TRERF1: variants seen among roughly 807,000 people sequenced by gnomAD.
The protein encoded by TRERF1 is transcriptional regulating factor 1, also known as transcriptional-regulating factor 1.
In TRERF1, 27 loss-of-function variants were observed where a neutral mutation model predicts 122.9. That is an observed-to-expected ratio of 0.22 (90% confidence interval 0.16 to 0.30). TRERF1 has a LOEUF of 0.30. Among genes scored for constraint, TRERF1 ranks in the 10% least tolerant of loss-of-function variants. The pLI is 1.00. For missense variants in TRERF1, 1,248 were observed against 1,560.3 expected (o/e 0.80, Z 3.37); for synonymous variants, 636 against 641.7 (o/e 0.99, Z 0.13).
intron 2 of TRERF1, among the ~76,000 whole-genome samples, chr6:42,365,906 C>G (rs1335531352): frequency 2.6e-5 from 4 of 152,192 alleles, no homozygotes; most frequent in African/African-American, 4.8e-5. Flanking sequence ...GCTTTGGAGG[C>G]TCCTCAATAC....
At chr6:42,371,797 TG>T (rs1274287083) in intron 2 of TRERF1, among the ~76,000 whole-genome samples, 3 of 152,196 alleles carry the variant, frequency 2.0e-5, no homozygotes, top group Non-Finnish European at 4.4e-5. Flanking sequence ...TGCTTGTATA[TG>T]GCAAGCTCAT....
At position 42,265,800 on chromosome 6, in the gene TRERF1, A is replaced by C; in HGVS notation, c.1438-3T>G. 1 of 1,612,984 alleles carries C rather than the reference A, an allele frequency of 6.2e-7. No homozygotes were observed. Among genetic ancestry groups the C allele is most frequent in the South Asian group, 1.1e-5 (1 of 90,754 alleles). ...GCTCTCCCATCAGGTAGGTGCATCT[A>C]ATTTTGAGCCAAACAGGACACCGAA... On this transcript the variant is annotated splice_polypyrimidine_tract_variant and splice_region_variant and intron_variant, in intron 5 of 17. Coordinates refer to ENST00000372922, the Ensembl canonical transcript of TRERF1.
chr6:42,256,164 T>C (rs1776712412), intron 12 of TRERF1, among the ~76,000 whole-genome samples: 1 of 149,248 alleles, frequency 6.7e-6, no homozygotes, highest in Non-Finnish European at 1.5e-5. Flanking sequence ...AAGTCCAGGT[T>C]GAGCAGGTCA....
chr6:42,235,667 C>T (rs534960565), intron 16 of TRERF1, among the ~76,000 whole-genome samples: 68 of 152,186 alleles, frequency 4.5e-4, no homozygotes, highest in African/African-American at 1.4e-3. Context: ...CAAAGATAAA[C>T]TTTAGTTAAA....
intron 3 of TRERF1, among the ~76,000 whole-genome samples, chr6:42,320,938 C>T (rs1763334615): frequency 6.6e-6 from 1 of 152,080 alleles, no homozygotes; most frequent in African/African-American, 2.4e-5. Flanking sequence ...ATGATGCAAG[C>T]ACAGGAAGCC....
At chr6:42,390,554 C>G (rs977407933) in intron 2 of TRERF1, among the ~76,000 whole-genome samples, 5 of 152,166 alleles carry the variant, frequency 3.3e-5, no homozygotes, top group African/African-American at 4.8e-5. Flanking sequence ...TTTTTGAAGC[C>G]TATGCGTTCG....
intron 2 of TRERF1, among the ~76,000 whole-genome samples, chr6:42,447,192 G>A: frequency 6.6e-6 from 1 of 152,328 alleles, no homozygotes. Flanking sequence ...CTTCCATGAT[G>A]AAAGACCAAG....
rs146305936 is a variant in TRERF1 at position 42,365,056 on chromosome 6, G to A, written c.-453-1977C>T. ...AGGTGGGAACCTGAGTGGGCTCGCC[G>A]TGGAGTAATATTTTCAGTGAACACA... On this transcript the variant is annotated intron_variant, in intron 2 of 17. Coordinates refer to ENST00000372922, the Ensembl canonical transcript of TRERF1. Among the ~76,000 whole-genome samples, 49 of 152,266 alleles carry A rather than the reference G, an allele frequency of 3.2e-4. No individual in the cohort carries two copies. In the East Asian group the frequency reaches 8.3e-3, roughly 26 times the overall value.
intron 2 of TRERF1, among the ~76,000 whole-genome samples, chr6:42,403,389 C>T (rs527846335): frequency 2.0e-5 from 3 of 152,080 alleles, no homozygotes; most frequent in South Asian, 4.2e-4. Flanking sequence ...GAGAAAATAG[C>T]GACACACACA....
chr6:42,325,585 T>A (rs1464560470), intron 3 of TRERF1, among the ~76,000 whole-genome samples: 1 of 152,020 alleles, frequency 6.6e-6, no homozygotes, highest in African/African-American at 2.4e-5. Context: ...TAAAAAAGAA[T>A]GAAATTGGTT....
intron 2 of TRERF1, among the ~76,000 whole-genome samples, chr6:42,394,879 C>G (rs1056145684): frequency 6.6e-6 from 1 of 152,188 alleles, no homozygotes; most frequent in Non-Finnish European, 1.5e-5. Context: ...CAACCTCCCC[C>G]CAACACATTG....
At chr6:42,398,750 T>C (rs752836161) in intron 2 of TRERF1, among the ~76,000 whole-genome samples, 30 of 152,232 alleles carry the variant, frequency 2.0e-4, no homozygotes, top group Non-Finnish European at 3.1e-4. Context: ...TGGACGAATG[T>C]ATGGGGAAGG....
At chr6:42,442,103 A>G (rs1786628132) in intron 2 of TRERF1, among the ~76,000 whole-genome samples, 1 of 152,148 alleles carries the variant, frequency 6.6e-6, no homozygotes, top group Admixed American at 6.5e-5. Flanking sequence ...AACAAAGAAA[A>G]GCGAACTCAA....
chr6:42,296,614 C>T (rs1410521790), intron 4 of TRERF1, among the ~76,000 whole-genome samples: 3 of 152,168 alleles, frequency 2.0e-5, no homozygotes, highest in Non-Finnish European at 4.4e-5. Context: ...TTTCTCCCTG[C>T]CCCTCAAAGC....
At chr6:42,265,171 C>T (rs1257925607) in intron 6 of TRERF1, among the ~76,000 whole-genome samples, 1 of 152,210 alleles carries the variant, frequency 6.6e-6, no homozygotes, top group Non-Finnish European at 1.5e-5. Flanking sequence ...CCAGGGTCAG[C>T]CTGAGCCCAG....
intron 12 of TRERF1, among the ~76,000 whole-genome samples, chr6:42,255,643 G>T (rs1776611569): frequency 6.6e-6 from 1 of 152,222 alleles, no homozygotes; most frequent in Non-Finnish European, 1.5e-5. Flanking sequence ...AGTCTGAGAA[G>T]TGCTACACTG....
At chr6:42,325,986 G>C (rs796393696) in intron 3 of TRERF1, among the ~76,000 whole-genome samples, 4 of 152,272 alleles carry the variant, frequency 2.6e-5, no homozygotes, top group African/African-American at 9.6e-5. Context: ...CTAAACACGG[G>C]TACACATGGA....
rs1769849461 is a variant in TRERF1, at chr6:42,228,454, T to A, written c.3494A>T (p.Asp1165Val). The A allele has an allele frequency of 6.2e-7, 1 of 1,614,028 alleles. No homozygotes were observed. ...GACACCTCCCAACTGCTGGACGACG[T>A]CGTCGTCGAGGATGTCCACATCCTT... Residue 1165 changes from aspartate to valine, a missense_variant, in exon 18 of 18, where the codon GAC (aspartate) becomes GTC (valine). Asp to Val is a radical substitution (Grantham distance 152). Coordinates refer to ENST00000372922, the Ensembl canonical transcript of TRERF1. The surrounding 1 kb of genome is among the most constrained non-coding windows in gnomAD (Gnocchi z 4.2).
chr6:42,279,315 TG>T (rs1387171699), intron 4 of TRERF1, among the ~76,000 whole-genome samples: 13 of 152,082 alleles, frequency 8.5e-5, no homozygotes, highest in Admixed American at 8.5e-4. Context: ...ACTTGGGGCG[TG>T]GGGCCTTCTG....
Sources: allele counts gnomAD v4.1 joint callset (sites outside exome capture counted in the v4.1 genomes callset), GRCh38; gene constraint gnomAD v4.1.1; non-coding constraint Gnocchi (gnomAD v3.1); transcripts MANE v1.5; gene names NCBI Gene and HGNC (gene_info 2026-07-23, HGNC 2026-07-21).